RUNX2: variants seen among roughly 807,000 people sequenced by gnomAD.
The protein encoded by RUNX2 is runt-related transcription factor 2.
A neutral mutation model predicts 51.7 loss-of-function variants in RUNX2; 10 were observed. The ratio of observed to expected loss-of-function variants is 0.19; its 90% CI spans 0.12 to 0.33. RUNX2 has a LOEUF of 0.33. Ranked by LOEUF, RUNX2 falls within the 10% of genes least tolerant of loss-of-function variation. The pLI is 1.00. For synonymous variants in RUNX2, 276 were observed against 273.6 expected, an observed-to-expected ratio of 1.01 and a Z score of -0.09; for missense variants, 562 against 691.3, an observed-to-expected ratio of 0.81 and a Z score of 2.10.
Position 45,547,152 on chromosome 6 carries a change from G to A in RUNX2, c.1413G>A (p.Pro471=), listed in dbSNP as rs114897742. The A allele has an allele frequency of 1.3e-5, 21 of 1,614,048 alleles. No homozygotes were observed. The Admixed American group carries it at 2.0e-4, about 15-fold the overall frequency. Residue 471 remains proline, a synonymous_variant, in exon 9 of 9, where the codon CCG becomes CCA. Transcript: ENST00000647337. The part of the protein sequence containing the change: ...GGDRSPSRML[P]PCTTTSNGST... ...ACCGGTCTCCTTCCAGAATGCTTCC[G>A]CCATGCACCACCACCTCGAATGGCA...
chr6:45,337,939 A>T (rs1282975315), intron 2 of RUNX2, among the ~76,000 whole-genome samples: 1 of 152,022 alleles, frequency 6.6e-6, no homozygotes, highest in Non-Finnish European at 1.5e-5. Flanking sequence ...TGACTTGACA[A>T]TGATGTTATC....
chr6:45,515,091 G>A (rs1801278640), intron 7 of RUNX2, among the ~76,000 whole-genome samples: 1 of 152,152 alleles, frequency 6.6e-6, no homozygotes, highest in African/African-American at 2.4e-5. Context: ...CCTGTTTACA[G>A]GCAGTCCTGT....
intron 2 of RUNX2, among the ~76,000 whole-genome samples, chr6:45,414,695 G>A (rs1316131687): frequency 1.3e-5 from 2 of 148,590 alleles, no homozygotes; most frequent in African/African-American, 2.5e-5. Flanking sequence ...TTCCTTGGTG[G>A]TAGTAGCATT....
At chr6:45,343,318 T>C (rs896438078) in intron 2 of RUNX2, among the ~76,000 whole-genome samples, 2 of 152,118 alleles carry the variant, frequency 1.3e-5, no homozygotes, top group African/African-American at 4.8e-5. Context: ...CTGGCCAACA[T>C]GGTGAAACCC....
chr6:45,438,731 T>C (rs1798760952), intron 5 of RUNX2, among the ~76,000 whole-genome samples: 1 of 152,222 alleles, frequency 6.6e-6, no homozygotes, highest in African/African-American at 2.4e-5. Context: ...CCAATATGTA[T>C]GTTCCTTCTA....
intron 5 of RUNX2, among the ~76,000 whole-genome samples, chr6:45,482,161 C>G (rs1260296080): frequency 6.6e-6 from 1 of 152,214 alleles, no homozygotes; most frequent in Non-Finnish European, 1.5e-5. Flanking sequence ...TACTTCTCAT[C>G]TTGTATATTT....
chr6:45,328,376 T>C lies in RUNX2; in HGVS notation c.-151T>C. 1 of 1,391,802 alleles carries C rather than the reference T, an allele frequency of 7.2e-7. No homozygotes were observed. The highest frequency in any genetic ancestry group is 9.6e-7 in the Non-Finnish European group (1 of 1,038,544). The allele number at this position is 1,391,802 out of a possible 1,614,324, so 86.2% of individuals were successfully genotyped here. ...AGAACCACAAGTGCGGTGCAAACTT[T>C]CTCCAGGAGGACAGCAAGAAGTCTC... On this transcript the variant is annotated 5_prime_UTR_variant, in exon 1 of 9. Coordinates refer to ENST00000647337, the MANE Select transcript of RUNX2 (RefSeq NM_001024630.4).
At chr6:45,408,181 T>C (rs1797876398) in intron 2 of RUNX2, among the ~76,000 whole-genome samples, 1 of 151,968 alleles carries the variant, frequency 6.6e-6, no homozygotes, top group African/African-American at 2.4e-5. Context: ...TTTATTTTTT[T>C]TTGAGACAGA....
chr6:45,348,526 T>C (rs1554356688), intron 2 of RUNX2, among the ~76,000 whole-genome samples: 1 of 64,514 alleles, frequency 1.6e-5, no homozygotes, highest in Admixed American at 1.5e-4. Context: ...AAAAAAAAAG[T>C]TATCCAGGTA....
At chr6:45,441,587 T>C (rs1203920874) in intron 5 of RUNX2, among the ~76,000 whole-genome samples, 1 of 152,238 alleles carries the variant, frequency 6.6e-6, no homozygotes, top group East Asian at 1.9e-4. Flanking sequence ...GTGTCAGACG[T>C]TGGCTGTAGA....
intron 7 of RUNX2, among the ~76,000 whole-genome samples, chr6:45,526,359 T>A (rs1156970058): frequency 6.6e-6 from 1 of 152,198 alleles, no homozygotes; most frequent in Non-Finnish European, 1.5e-5. Context: ...TTGTTAACCC[T>A]CTTTACATGA....
chr6:45,383,879 A>C (rs1042894892), intron 2 of RUNX2, among the ~76,000 whole-genome samples: 2 of 152,240 alleles, frequency 1.3e-5, no homozygotes, highest in Non-Finnish European at 2.9e-5. Flanking sequence ...TGGATGCAAC[A>C]AACCTATTTT....
intron 2 of RUNX2, among the ~76,000 whole-genome samples, chr6:45,410,213 C>A (rs1254968713): frequency 1.3e-5 from 2 of 152,086 alleles, no homozygotes; most frequent in Non-Finnish European, 2.9e-5. Flanking sequence ...AAAGAGAATG[C>A]CGATGGCAAT....
Position 45,549,462 on chromosome 6 carries a change from G to T in RUNX2, c.*2157G>T, listed in dbSNP as rs1473257717. On this transcript the variant is annotated 3_prime_UTR_variant, in exon 9 of 9. Transcript: ENST00000647337. ...AAAGCAAAACACTTTGCCTTCTAAA[G>T]GCCGTATACCAAGTATGCTTAGATA... 2.5e-6 allele frequency: 1 copy of T among 398,066 alleles called. No homozygotes were observed. The highest frequency in any genetic ancestry group is 4.4e-6 in the Non-Finnish European group (1 of 226,038). 24.7% of individuals were successfully genotyped at this position (398,066 alleles called of 1,614,324 possible). A position where few individuals can be genotyped will look rare whatever the true frequency, so the allele number is the denominator to read the frequency against.
intron 5 of RUNX2, among the ~76,000 whole-genome samples, chr6:45,490,508 C>T (rs2150406449): frequency 6.6e-6 from 1 of 152,232 alleles, no homozygotes; most frequent in East Asian, 1.9e-4. Flanking sequence ...AAAAAGGAGA[C>T]AGGAAAATAC....
intron 2 of RUNX2, among the ~76,000 whole-genome samples, chr6:45,355,797 G>C (rs1391727487): frequency 6.6e-6 from 1 of 152,050 alleles, no homozygotes; most frequent in African/African-American, 2.4e-5. Context: ...CTTAGAAATG[G>C]GTTGTATTCC....
intron 5 of RUNX2, among the ~76,000 whole-genome samples, chr6:45,481,463 T>C (rs1800112097): frequency 6.6e-6 from 1 of 152,094 alleles, no homozygotes; most frequent in African/African-American, 2.4e-5. Flanking sequence ...GCAAAGAAAA[T>C]GTTTTTGGAA....
At chr6:45,495,095 C>T (rs1800608521) in intron 6 of RUNX2, among the ~76,000 whole-genome samples, 1 of 152,222 alleles carries the variant, frequency 6.6e-6, no homozygotes, top group Admixed American at 6.5e-5. Context: ...GTTCTGGAAC[C>T]TTCATCCAAA....
chr6:45,482,766 A>G (rs760089825), intron 5 of RUNX2, among the ~76,000 whole-genome samples: 1 of 152,110 alleles, frequency 6.6e-6, no homozygotes, highest in Non-Finnish European at 1.5e-5. Flanking sequence ...ATGTCTCTTG[A>G]GTAGATTATA....
Sources: allele counts gnomAD v4.1 joint callset (sites outside exome capture counted in the v4.1 genomes callset), GRCh38; gene constraint gnomAD v4.1.1; transcripts MANE v1.5; gene names NCBI Gene and HGNC (gene_info 2026-07-23, HGNC 2026-07-21).